The following CSTF2 variants were observed in gnomAD, a reference collection of about 807,000 sequenced individuals.
CSTF2 encodes the protein cleavage stimulation factor subunit 2.
A neutral mutation model predicts 45.4 loss-of-function variants in CSTF2; 8 were observed. The observed-to-expected ratio is 0.18, with a 90% confidence interval of 0.10 to 0.32. CSTF2 has a LOEUF of 0.32. Ranked by LOEUF, CSTF2 falls within the 10% of genes least tolerant of loss-of-function variation. The probability of loss-of-function intolerance (pLI) is 1.00; values close to 1 mark genes in which losing one functional copy is unlikely to be tolerated. For synonymous variants in CSTF2, 155 were observed against 158.9 expected (o/e 0.98, Z 0.18); for missense variants, 253 against 477.1 (o/e 0.53, Z 4.38).
intron 11 of CSTF2, among the ~76,000 whole-genome samples, chrX:100,836,297 C>G (rs867417472): frequency 8.9e-6 from 1 of 112,317 alleles, no homozygotes; most frequent in South Asian, 3.7e-4. Flanking sequence ...TTTGACTACT[C>G]AAGGTCATCA....
At chrX:100,826,291 CTTTTTTTTTT>C (rs771545462) in intron 6 of CSTF2, among the ~76,000 whole-genome samples, 91 of 67,959 alleles carry the variant, frequency 1.3e-3, no homozygotes, top group African/African-American at 5.2e-3. Flanking sequence ...GGGTTTAGGG[CTTTTTTTTTT>C]TTTTTTTTTT....
At chrX:100,837,510 TCA>T (rs771823813) in intron 12 of CSTF2, 61 bp downstream of exon 12, 38 of 792,705 alleles carry the variant, frequency 4.8e-5, no homozygotes, top group Non-Finnish European at 6.9e-5. Context: ...ATTCCTCTTT[TCA>T]CAGTTACCAT....
intron 2 of CSTF2, among the ~76,000 whole-genome samples, 180 bp downstream of exon 2, chrX:100,821,785 TG>T (rs1405252815): frequency 1.8e-5 from 2 of 112,546 alleles, no homozygotes; most frequent in African/African-American, 6.5e-5. Context: ...ACCTAAAATA[TG>T]TTTTTTTCGT....
At chrX:100,828,233 T>G (rs957776697) in intron 8 of CSTF2, 131 bp downstream of exon 8, 1 of 505,181 alleles carries the variant, frequency 2.0e-6, no homozygotes, top group African/African-American at 2.4e-5. Context: ...TAAGTAAAAT[T>G]TAAAACTCAG....
At chrX:100,835,510 G>A (rs2085002923) in intron 11 of CSTF2, among the ~76,000 whole-genome samples, 1 of 105,411 alleles carries the variant, frequency 9.5e-6, no homozygotes, top group Non-Finnish European at 1.9e-5. Context: ...TGGAAAACAT[G>A]AATATATATT....
At chrX:100,838,461 C>T in intron 13 of CSTF2, 97 bp downstream of exon 13, 1 of 848,534 alleles carries the variant, frequency 1.2e-6, no homozygotes, top group South Asian at 4.1e-5. Flanking sequence ...CTCTCAGCGG[C>T]CCTCAATCCA....
chrX:100,828,113 A>T lies in CSTF2; in HGVS notation c.889+11A>T. Reference sequence around the variant, plus strand: ...TGGAACGGGGGCAAGGTAAATAAATATTAATGTCTGACTAATGTTAATTGG... The same window carrying T: ...TGGAACGGGGGCAAGGTAAATAAATTTTAATGTCTGACTAATGTTAATTGG... On this transcript the variant is annotated intron_variant, in intron 8 of 13. Coordinates refer to ENST00000372972, the MANE Select transcript of CSTF2 (RefSeq NM_001325.3). The T allele has an allele frequency of 8.4e-7, 1 of 1,183,606 alleles. No homozygotes were observed. The highest frequency in any genetic ancestry group is 1.1e-6 in the Non-Finnish European group (1 of 875,470).
At chrX:100,820,627 G>C (rs753235678) in intron 1 of CSTF2, 153 bp downstream of exon 1, 5 of 582,075 alleles carry the variant, frequency 8.6e-6, no homozygotes, top group Non-Finnish European at 1.5e-5. Flanking sequence ...CATGAGCAAA[G>C]AGATATTCCC....
At chrX:100,822,172 C>A in intron 2 of CSTF2, 79 bp from the exon 3 acceptor site, 1 of 758,213 alleles carries the variant, frequency 1.3e-6, no homozygotes, top group Non-Finnish European at 1.9e-6. Flanking sequence ...TACAGTGGGC[C>A]CAATTAAAGC....
intron 3 of CSTF2, 67 bp from the exon 4 acceptor site, chrX:100,823,225 A>G (rs111825108): frequency 5.3e-6 from 6 of 1,137,150 alleles, no homozygotes; most frequent in Non-Finnish European, 5.9e-6. Flanking sequence ...CCTGAAAAGT[A>G]GATATTTGAA....
intron 10 of CSTF2, 124 bp downstream of exon 10, chrX:100,833,033 A>C (rs1485196502): frequency 4.4e-5 from 43 of 982,092 alleles, no homozygotes; most frequent in Non-Finnish European, 4.4e-5. Flanking sequence ...AAATCTGAGA[A>C]ACTGGGGAGG....
intron 9 of CSTF2, 44 bp downstream of exon 9, chrX:100,831,700 G>A: frequency 1.7e-6 from 2 of 1,180,464 alleles, no homozygotes; most frequent in Non-Finnish European, 2.3e-6. Flanking sequence ...AATCAGAATT[G>A]TCCCTTCTTC....
chrX:100,830,049 C>T (rs961276595), intron 8 of CSTF2, among the ~76,000 whole-genome samples: 1 of 111,800 alleles, frequency 8.9e-6, no homozygotes, highest in Non-Finnish European at 1.9e-5. Flanking sequence ...CCTAGTTTGT[C>T]TTACTTTTCC....
chrX:100,822,144 A>T, intron 2 of CSTF2, 107 bp from the exon 3 acceptor site: 1 of 564,089 alleles, frequency 1.8e-6, no homozygotes, highest in Non-Finnish European at 2.8e-6. Context: ...GCTGTCAGAG[A>T]TATAAGGTTA....
chrX:100,836,515 G>C (rs1257880327), intron 11 of CSTF2, among the ~76,000 whole-genome samples: 1 of 112,063 alleles, frequency 8.9e-6, no homozygotes, highest in Non-Finnish European at 1.9e-5. Context: ...TTAACAATAT[G>C]TGTTTATTAA....
rs1242418398 is a variant in CSTF2 at position 100,820,441 on chromosome X, C to T, written c.25C>T (p.Pro9Ser). 1.1e-5 allele frequency: 13 copies of T among 1,210,643 alleles called. No individual in the cohort carries two copies. The highest frequency in any genetic ancestry group is 3.5e-5 in the African/African-American group (2 of 57,424). The stretch of plus-strand genomic sequence containing the variant: ...TATGGCGGGTTTGACTGTGAGAGAC[C>T]CAGCGGTGGATCGTTCTCTACGTTC... Reference protein sequence around the residue: MAGLTVRDPAVDRSLRSVF... With the variant: MAGLTVRDSAVDRSLRSVF... Residue 9 changes from proline to serine, a missense_variant, in exon 1 of 14, where the codon CCA (proline) becomes TCA (serine). Coordinates refer to ENST00000372972, the MANE Select transcript of CSTF2 (RefSeq NM_001325.3).
intron 9 of CSTF2, among the ~76,000 whole-genome samples, chrX:100,832,332 A>G (rs1382998731): frequency 1.8e-5 from 2 of 112,345 alleles, no homozygotes; most frequent in Non-Finnish European, 3.8e-5. Flanking sequence ...AATCCACAAG[A>G]TCCTGTGAGA....
chrX:100,830,805 T>C, intron 8 of CSTF2: 1 of 1,151,571 alleles, frequency 8.7e-7, no homozygotes, highest in Non-Finnish European at 1.2e-6. Flanking sequence ...ACTGCTTACC[T>C]AGGAACCCTA....
At chrX:100,830,936 C>A in intron 8 of CSTF2, 1 of 901,450 alleles carries the variant, frequency 1.1e-6, no homozygotes, top group African/African-American at 2.0e-5. Context: ...AGGAAAAGAG[C>A]TGCGTGGCAG....
Sources: allele counts gnomAD v4.1 joint callset (sites outside exome capture counted in the v4.1 genomes callset), GRCh38; gene constraint gnomAD v4.1.1; transcripts MANE v1.5; gene names NCBI Gene and HGNC (gene_info 2026-07-23, HGNC 2026-07-21).